MYPN: variants seen among roughly 807,000 people sequenced by gnomAD.
The protein encoded by MYPN is myopalladin, also known as sarcomeric protein myopalladin, 145 kDa (MYOP).
A neutral mutation model predicts 129.4 loss-of-function variants in MYPN; 63 were observed. The observed-to-expected ratio is 0.49, with a 90% CI of 0.40 to 0.60. MYPN has a LOEUF of 0.60. MYPN is among the 20% of genes least tolerant of loss of function. The pLI is 0.00. For missense variants in MYPN, 1,596 were observed against 1,635.4 expected, an observed-to-expected ratio of 0.98 and a Z score of 0.42; for synonymous variants, 629 against 600.9, an observed-to-expected ratio of 1.05 and a Z score of -0.68.
intron 10 of MYPN, among the ~76,000 whole-genome samples, chr10:68,172,235 G>A (rs906939471): frequency 6.6e-6 from 1 of 152,052 alleles, no homozygotes; most frequent in Admixed American, 6.6e-5. Flanking sequence ...CGCACCTGTG[G>A]TCCCAGCTAC....
At chr10:68,169,993 C>T (rs1032825974) in intron 10 of MYPN, among the ~76,000 whole-genome samples, 3 of 152,164 alleles carry the variant, frequency 2.0e-5, no homozygotes, top group Non-Finnish European at 1.5e-5. Context: ...CCACCTTGGC[C>T]TCCCAAAGTG....
rs1336816282 is a variant in MYPN at position 68,115,327 on chromosome 10, T to TA, written c.-2+5605dup. ...TGCAGCTGAAATGTCTAAGAGAACT[T>TA]ACGATTTTCTTTCCTGAAACCTGCT... On this transcript the variant is annotated intron_variant, in intron 1 of 19. Coordinates refer to ENST00000358913, the MANE Select transcript of MYPN (RefSeq NM_032578.4). 3.3e-5 allele frequency among the ~76,000 whole-genome samples: 5 copies of TA among 151,290 alleles called. No homozygotes were observed. The East Asian group carries it at 5.8e-4, about 18-fold the overall frequency.
chr10:68,122,952 A>G (rs80145791), intron 2 of MYPN, among the ~76,000 whole-genome samples: 3,636 of 152,214 alleles, frequency 0.024, 213 homozygotes, highest in East Asian at 0.2. Context: ...CATTCAACAT[A>G]TAACCAATAT....
chr10:68,136,524 C>A (rs2042489602), intron 2 of MYPN: 2 of 1,399,756 alleles, frequency 1.4e-6, no homozygotes, highest in Non-Finnish European at 1.9e-6. Flanking sequence ...TTTCAGAAGC[C>A]AGCCTGATCC....
chr10:68,170,363 T>A (rs2043126160), intron 10 of MYPN, among the ~76,000 whole-genome samples: 1 of 152,162 alleles, frequency 6.6e-6, no homozygotes, highest in South Asian at 2.1e-4. Flanking sequence ...TTCTTTGCCT[T>A]CCTTTTCTCT....
chr10:68,204,049 A>G (rs1023829520), intron 18 of MYPN, among the ~76,000 whole-genome samples: 2 of 152,088 alleles, frequency 1.3e-5, no homozygotes, highest in Admixed American at 6.6e-5. Context: ...TCATCTTTCT[A>G]AGGAAGAGCA....
chr10:68,197,578 G>A (rs778948127), intron 16 of MYPN, 100 bp downstream of exon 16: 2 of 1,480,066 alleles, frequency 1.4e-6, no homozygotes, highest in Non-Finnish European at 1.9e-6. Context: ...TTTTTTTTCA[G>A]GAAAGATGAG....
At chr10:68,183,721 T>G (rs1430459584) in intron 12 of MYPN, among the ~76,000 whole-genome samples, 2 of 152,108 alleles carry the variant, frequency 1.3e-5, no homozygotes, top group South Asian at 2.1e-4. Flanking sequence ...TAAGACCTCT[T>G]GCTTATTGAA....
At chr10:68,134,596 A>G (rs2042457727) in intron 2 of MYPN, among the ~76,000 whole-genome samples, 1 of 152,148 alleles carries the variant, frequency 6.6e-6, no homozygotes, top group African/African-American at 2.4e-5. Context: ...AGAGATCAAG[A>G]CCATCCTGGC....
intron 14 of MYPN, 101 bp from the exon 15 acceptor site, chr10:68,195,349 A>G (rs1356036305): frequency 1.9e-6 from 2 of 1,034,676 alleles, no homozygotes; most frequent in Non-Finnish European, 3.0e-6. Flanking sequence ...AAAACTCATA[A>G]TAGCCAAAAT....
rs185068659 is a variant in MYPN at position 68,162,143 on chromosome 10, C to T, written c.1483+391C>T. The T allele has an allele frequency of 2.5e-3, 325 of 131,284 alleles. 1 individual carries two copies. Among genetic ancestry groups the T allele is most frequent in the Non-Finnish European group, 4.0e-3 (257 of 64,914 alleles). 8.1% of individuals were successfully genotyped at this position (131,284 alleles called of 1,614,324 possible). Reference sequence around the variant, plus strand: ...AGATCGTGACACTACAGTCCAGCTGCGCGACAGAACAAGAATCTGTCTCAA... The same window carrying T: ...AGATCGTGACACTACAGTCCAGCTGTGCGACAGAACAAGAATCTGTCTCAA... On this transcript the variant is annotated intron_variant, in intron 8 of 19. Coordinates refer to ENST00000358913, the MANE Select transcript of MYPN (RefSeq NM_032578.4).
At chr10:68,143,840 C>T (rs767863033) in intron 3 of MYPN, among the ~76,000 whole-genome samples, 7 of 152,126 alleles carry the variant, frequency 4.6e-5, no homozygotes, top group South Asian at 4.1e-4. Flanking sequence ...CTGCAACCTC[C>T]GCCTCCCGGG....
At chr10:68,153,506 G>A (rs565307264) in intron 6 of MYPN, among the ~76,000 whole-genome samples, 1 of 152,132 alleles carries the variant, frequency 6.6e-6, no homozygotes, top group Non-Finnish European at 1.5e-5. Flanking sequence ...GTGGGAAAAT[G>A]GTCCTTAGTA....
upstream of MYPN, among the ~76,000 whole-genome samples, chr10:68,104,606 T>C (rs1042600721): frequency 1.3e-5 from 2 of 152,206 alleles, no homozygotes; most frequent in Non-Finnish European, 2.9e-5. Context: ...AAACATTGCA[T>C]GTAGAGTTTA....
At position 68,109,851 on chromosome 10, in the gene MYPN, T is replaced by C. The variant is rs972953474; in HGVS notation, c.-2+128T>C. On this transcript the variant is annotated intron_variant, in intron 1 of 19. Transcript: ENST00000358913. ...CCTAGGATAACTGTCTAATTACATATGACGGGACACGAAATTAAGTGAAAA... is the reference window on the plus strand; with the variant it reads ...CCTAGGATAACTGTCTAATTACATACGACGGGACACGAAATTAAGTGAAAA... 2.0e-5 allele frequency: 7 copies of C among 354,080 alleles called. 2 individuals carry two copies. Among genetic ancestry groups the C allele is most frequent in the Admixed American group, 1.9e-4 (5 of 26,710 alleles). The allele number at this position is 354,080 out of a possible 1,614,324, so 21.9% of individuals were successfully genotyped here. A position where few individuals can be genotyped will look rare whatever the true frequency, so the allele number is the denominator to read the frequency against.
In MYPN at chr10:68,174,133, C is replaced by G; in HGVS notation, c.2041C>G (p.Pro681Ala). ...LLEQHQLQNP[P>A]PSSPKEFPFS... ...GGAACAACACCAATTGCAAAACCCACCTCCTTCATCTCCTAAGGAGTTTCC... is the reference window on the plus strand; with the variant it reads ...GGAACAACACCAATTGCAAAACCCAGCTCCTTCATCTCCTAAGGAGTTTCC... The change falls in exon 11 of 20, where the codon CCT becomes GCT. Residue 681 changes from proline (P) to alanine (A), a missense_variant. Pro to Ala is a conservative substitution (Grantham distance 27). Coordinates refer to ENST00000358913, the MANE Select transcript of MYPN (RefSeq NM_032578.4). 6 of 1,614,122 alleles carry G rather than the reference C, an allele frequency of 3.7e-6. No homozygotes were observed. Among genetic ancestry groups the G allele is most frequent in the Non-Finnish European group, 5.1e-6 (6 of 1,180,014 alleles).
At chr10:68,196,890 A>C (rs2043616694) in intron 15 of MYPN, among the ~76,000 whole-genome samples, 1 of 152,086 alleles carries the variant, frequency 6.6e-6, no homozygotes. Context: ...GTCATCTTTA[A>C]TGGTCTGCCA....
intron 8 of MYPN, among the ~76,000 whole-genome samples, chr10:68,165,002 T>C (rs2134163262): frequency 6.6e-6 from 1 of 152,368 alleles, no homozygotes; most frequent in African/African-American, 2.4e-5. Context: ...TTAGAAAATG[T>C]TTTATTAGTC....
intron 6 of MYPN, among the ~76,000 whole-genome samples, chr10:68,152,718 C>T (rs76744586): frequency 1.3e-5 from 2 of 152,090 alleles, no homozygotes; most frequent in East Asian, 1.9e-4. Flanking sequence ...TCACTGCAAC[C>T]TTGGCCCCCC....
Sources: gnomAD v4.1 joint callset for allele counts (sites outside exome capture counted in the v4.1 genomes callset) on GRCh38, gnomAD v4.1.1 for gene constraint, MANE v1.5 for transcripts, NCBI Gene and HGNC (gene_info 2026-07-23, HGNC 2026-07-21) for gene names.